Variants in CHL1 observed in about 807,000 individuals in gnomAD.
CHL1 encodes the protein cell adhesion molecule L1 like.
In CHL1, 96 loss-of-function variants were observed where a neutral mutation model predicts 141.9. The ratio of observed to expected loss-of-function variants is 0.68; its 90% confidence interval spans 0.57 to 0.80. The LOEUF (loss-of-function observed/expected upper bound fraction) is 0.80. CHL1 is among the 30% of genes least tolerant of loss of function. CHL1 has a pLI of 0.00. For missense variants in CHL1, 1,820 were observed against 1,457.2 expected (o/e 1.25, Z -4.05); for synonymous variants, 613 against 502.2 (o/e 1.22, Z -2.95).
intron 15 of CHL1, among the ~76,000 whole-genome samples, chr3:371,384 T>C (rs890985981): frequency 6.6e-6 from 1 of 152,216 alleles, no homozygotes; most frequent in Non-Finnish European, 1.5e-5. Context: ...TTTTCTGATC[T>C]TTGTTGGTTT....
At chr3:326,811 A>G (rs1189630376) in intron 4 of CHL1, among the ~76,000 whole-genome samples, 1 of 151,930 alleles carries the variant, frequency 6.6e-6, no homozygotes, top group Non-Finnish European at 1.5e-5. Flanking sequence ...TTCATTAAGA[A>G]TATCCATATT....
chr3:223,844 T>C lies in CHL1; in HGVS notation c.-174-20769T>C, dbSNP rs1402844236. Reference sequence around the variant, plus strand: ...ATAGGTTGGGGCAGGGATGAAATCATAGGGGTCAAAGCTGTCTTCTTACAT... The same window carrying C: ...ATAGGTTGGGGCAGGGATGAAATCACAGGGGTCAAAGCTGTCTTCTTACAT... On this transcript the variant is annotated intron_variant, in intron 1 of 27. Coordinates refer to ENST00000256509, the MANE Select transcript of CHL1 (RefSeq NM_006614.4). Among the ~76,000 whole-genome samples, 5 of 152,196 alleles carry C rather than the reference T, an allele frequency of 3.3e-5. No homozygotes were observed. In the East Asian group the frequency reaches 5.8e-4, roughly 18 times the overall value.
At chr3:260,492 C>T (rs1694617582) in intron 2 of CHL1, among the ~76,000 whole-genome samples, 1 of 152,108 alleles carries the variant, frequency 6.6e-6, no homozygotes, top group Non-Finnish European at 1.5e-5. Context: ...CTTATTCAAA[C>T]CTTGTTTCGA....
intron 2 of CHL1, among the ~76,000 whole-genome samples, chr3:268,474 G>A (rs1355817867): frequency 6.6e-6 from 1 of 152,126 alleles, no homozygotes; most frequent in African/African-American, 2.4e-5. Context: ...GGCAGAGGCT[G>A]CAGTGAGCTG....
chr3:310,425 G>A (rs1575030582), intron 2 of CHL1, among the ~76,000 whole-genome samples: 1 of 152,152 alleles, frequency 6.6e-6, no homozygotes, highest in African/African-American at 2.4e-5. Flanking sequence ...TGTCCAAGGT[G>A]GGAGTGAGTG....
Position 363,199 on chromosome 3 carries a change from C to G in CHL1, c.1419-18C>G. 1 of 1,599,394 alleles carries G rather than the reference C, an allele frequency of 6.3e-7. No homozygotes were observed. The highest frequency in any genetic ancestry group is 8.5e-7 in the Non-Finnish European group (1 of 1,174,644). The stretch of plus-strand genomic sequence containing the variant: ...TTTTGCCCTACCTCAGATGGATGTA[C>G]GCTTTCTTTGTCCATAGGCAGAAGG... On this transcript the variant is annotated intron_variant, in intron 13 of 27. Coordinates refer to ENST00000256509, the MANE Select transcript of CHL1 (RefSeq NM_006614.4).
At chr3:268,188 G>A (rs1246145723) in intron 2 of CHL1, among the ~76,000 whole-genome samples, 3 of 152,250 alleles carry the variant, frequency 2.0e-5, no homozygotes, top group Non-Finnish European at 2.9e-5. Context: ...AAAATAATTT[G>A]GAATAATAAA....
intron 8 of CHL1, 142 bp downstream of exon 8, chr3:343,173 C>T (rs1702474742): frequency 3.6e-6 from 2 of 551,324 alleles, no homozygotes; most frequent in Admixed American, 3.8e-5. Flanking sequence ...GGTTCTATTG[C>T]CCCCCATGCC....
Position 360,527 on chromosome 3 carries a change from G to C in CHL1, c.1306+103G>C. ...ACTCTTGACACATAATATATGGAGG[G>C]AAAAATCAAACTACTTTTCACCATA... On this transcript the variant is annotated intron_variant, in intron 12 of 27. Coordinates refer to ENST00000256509, the MANE Select transcript of CHL1 (RefSeq NM_006614.4). 8.6e-6 allele frequency: 10 copies of C among 1,156,606 alleles called. No individual in the cohort carries two copies. In the South Asian group the frequency reaches 1.7e-4, roughly 20 times the overall value. The allele number at this position is 1,156,606 out of a possible 1,614,324, so 71.6% of individuals were successfully genotyped here. A position where few individuals can be genotyped will look rare whatever the true frequency, so the allele number is the denominator to read the frequency against.
At chr3:318,818 A>C (rs1700329809) in intron 2 of CHL1, among the ~76,000 whole-genome samples, 1 of 151,682 alleles carries the variant, frequency 6.6e-6, no homozygotes, top group Admixed American at 6.6e-5. Flanking sequence ...AAAATCATTG[A>C]TGTATTTGTG....
At chr3:379,883 CACAT>C (rs1706818471) in intron 16 of CHL1, among the ~76,000 whole-genome samples, 1 of 152,028 alleles carries the variant, frequency 6.6e-6, no homozygotes, top group African/African-American at 2.4e-5. Flanking sequence ...ATTATATAGA[CACAT>C]ACGAGGTTTC....
intron 26 of CHL1, among the ~76,000 whole-genome samples, chr3:400,237 T>A (rs1413822589): frequency 6.6e-6 from 1 of 152,228 alleles, no homozygotes; most frequent in East Asian, 1.9e-4. Flanking sequence ...ATAGAAACAT[T>A]GAGAGCATAA....
intron 1 of CHL1, among the ~76,000 whole-genome samples, chr3:236,635 C>G (rs910134019): frequency 1.3e-5 from 2 of 152,122 alleles, no homozygotes; most frequent in African/African-American, 4.8e-5. Flanking sequence ...TGGAGGATTT[C>G]CTGTCTTCCA....
intron 2 of CHL1, among the ~76,000 whole-genome samples, chr3:263,922 T>A (rs1027423254): frequency 6.6e-6 from 1 of 152,210 alleles, no homozygotes; most frequent in South Asian, 2.1e-4. Context: ...AATGCTAATG[T>A]TGATTTTAAA....
At chr3:256,967 G>A (rs947927312) in intron 2 of CHL1, among the ~76,000 whole-genome samples, 1 of 152,120 alleles carries the variant, frequency 6.6e-6, no homozygotes, top group Non-Finnish European at 1.5e-5. Context: ...CCATTCAAGG[G>A]GATACCTAAT....
At chr3:360,879 A>G (rs1349212884) in intron 12 of CHL1, among the ~76,000 whole-genome samples, 1 of 150,724 alleles carries the variant, frequency 6.6e-6, no homozygotes, top group Non-Finnish European at 1.5e-5. Context: ...ACTGAGAATG[A>G]TGATTTCCAA....
At chr3:225,965 C>A (rs1701300148) in intron 1 of CHL1, among the ~76,000 whole-genome samples, 1 of 151,416 alleles carries the variant, frequency 6.6e-6, no homozygotes, top group Admixed American at 6.6e-5. Context: ...GCCGAGATAG[C>A]ACCAGTGCAC....
chr3:239,070 C>T (rs1346003207), intron 1 of CHL1, among the ~76,000 whole-genome samples: 1 of 152,014 alleles, frequency 6.6e-6, no homozygotes, highest in Non-Finnish European at 1.5e-5. Context: ...GTGTGATTTC[C>T]TCCTGATGGC....
At chr3:216,768 T>G (rs1220827541) in intron 1 of CHL1, among the ~76,000 whole-genome samples, 1 of 152,234 alleles carries the variant, frequency 6.6e-6, no homozygotes, top group African/African-American at 2.4e-5. Context: ...CTAGCATTTC[T>G]CCAATTTGGC....
Sources: allele counts gnomAD v4.1 joint callset (sites outside exome capture counted in the v4.1 genomes callset), GRCh38; gene constraint gnomAD v4.1.1; transcripts MANE v1.5; gene names NCBI Gene and HGNC (gene_info 2026-07-23, HGNC 2026-07-21).